Variants in MED27 observed in about 807,000 individuals in gnomAD.
MED27 encodes mediator of RNA polymerase II transcription subunit 27.
Under a neutral mutation model 38.2 loss-of-function variants are expected in MED27, and 30 were observed. The ratio of observed to expected loss-of-function variants is 0.79; its 90% CI spans 0.59 to 1.07. MED27 has a LOEUF of 1.07. Ranked by LOEUF, MED27 falls within the 50% of genes least tolerant of loss-of-function variation. The pLI, the probability that MED27 is intolerant of heterozygous loss-of-function variation, is 0.00. For missense variants in MED27, 289 were observed against 397.5 expected (o/e 0.73, Z 2.32); for synonymous variants, 122 against 153.5 (o/e 0.79, Z 1.52).
chr9:131,985,675 T>C (rs913554509), intron 3 of MED27, among the ~76,000 whole-genome samples: 1 of 152,090 alleles, frequency 6.6e-6, no homozygotes, highest in Non-Finnish European at 1.5e-5. Context: ...GTTTATGAAT[T>C]TACTGTACTA....
chr9:131,910,084 C>T (rs373472299), intron 4 of MED27, among the ~76,000 whole-genome samples: 3 of 152,134 alleles, frequency 2.0e-5, no homozygotes, highest in Non-Finnish European at 4.4e-5. Flanking sequence ...ATGATCACCA[C>T]GATATAAGGG....
At chr9:132,073,531 CT>C (rs1469210160) in intron 2 of MED27, 2 of 1,337,232 alleles carry the variant, frequency 1.5e-6, no homozygotes, top group East Asian at 3.0e-5. Context: ...AGGAAAGGCT[CT>C]GCGTTGCAAT....
intron 2 of MED27, among the ~76,000 whole-genome samples, chr9:132,052,610 C>T (rs1833487199): frequency 6.6e-6 from 1 of 152,096 alleles, no homozygotes; most frequent in Admixed American, 6.5e-5. Flanking sequence ...GCGTAACCAT[C>T]ACCTGAATAG....
intron 2 of MED27, among the ~76,000 whole-genome samples, chr9:132,048,242 A>G (rs545068682): frequency 1.4e-4 from 22 of 152,280 alleles, no homozygotes; most frequent in African/African-American, 5.1e-4. Context: ...GTCATGTTAT[A>G]GATTTTCCAA....
At chr9:132,068,862 A>G (rs1415817499) in intron 2 of MED27, among the ~76,000 whole-genome samples, 1 of 152,198 alleles carries the variant, frequency 6.6e-6, no homozygotes, top group Non-Finnish European at 1.5e-5. Context: ...GTGGCTGGCA[A>G]GTGAAGCCAC....
chr9:131,956,914 C>T (rs969089215), intron 3 of MED27, among the ~76,000 whole-genome samples: 10 of 151,422 alleles, frequency 6.6e-5, no homozygotes, highest in Admixed American at 5.3e-4. Context: ...GTAACAAGGA[C>T]ATGCCAATCT....
At chr9:132,029,482 A>G (rs2131100345) in intron 2 of MED27, among the ~76,000 whole-genome samples, 1 of 152,346 alleles carries the variant, frequency 6.6e-6, no homozygotes, top group South Asian at 2.1e-4. Context: ...ACCAACTGGC[A>G]TTTCAAAACT....
intron 3 of MED27, among the ~76,000 whole-genome samples, chr9:131,980,059 C>T (rs1175307171): frequency 6.6e-6 from 1 of 152,014 alleles, no homozygotes; most frequent in Non-Finnish European, 1.5e-5. Context: ...ATACCTCTAA[C>T]AAGAAAATTG....
rs1257107167 is a variant in MED27 at position 131,971,492 on chromosome 9, T to G, written c.480-32018A>C. On this transcript the variant is annotated intron_variant, in intron 3 of 7. Transcript: ENST00000292035. ...AATGTGATGAGAAGCCACTGAGGGGTTTAACAATTAGGGGCAAAATTAAAC... is the reference window on the plus strand; with the variant it reads ...AATGTGATGAGAAGCCACTGAGGGGGTTAACAATTAGGGGCAAAATTAAAC... Among the ~76,000 whole-genome samples, 4 of 151,330 alleles carry G rather than the reference T, an allele frequency of 2.6e-5. 1 individual carries two copies. Among genetic ancestry groups the G allele is most frequent in the Non-Finnish European group, 5.9e-5 (4 of 67,854 alleles).
intron 2 of MED27, among the ~76,000 whole-genome samples, chr9:132,057,767 C>G (rs1455257305): frequency 6.6e-6 from 1 of 152,176 alleles, no homozygotes; most frequent in African/African-American, 2.4e-5. Context: ...TTCTTTGAGA[C>G]TCACAAATTG....
rs1830218854 is a variant in MED27, at chr9:131,913,032, C to A, written c.574-19040G>T. Among the ~76,000 whole-genome samples the A allele has an allele frequency of 6.6e-6, 1 of 152,204 alleles. No homozygotes were observed. Among genetic ancestry groups the A allele is most frequent in the Non-Finnish European group, 1.5e-5 (1 of 68,044 alleles). On this transcript the variant is annotated intron_variant, in intron 4 of 7. Coordinates refer to ENST00000292035, the MANE Select transcript of MED27 (RefSeq NM_004269.4). The surrounding 1 kb of genome is among the most constrained non-coding windows in gnomAD (Gnocchi z 4.5). ...TCTACATATAAGTCCCAACTGCACA[C>A]TAAATTTATCAACAAAACAATCATT...
At position 132,037,743 on chromosome 9, in the gene MED27, A is replaced by G. The variant is rs1833111887; in HGVS notation, c.349-23276T>C. On this transcript the variant is annotated intron_variant, in intron 2 of 7. Transcript: ENST00000292035. ...CAAAGAGGCTCTGGAAACATCACCA[A>G]ATGAAAGTGGGCAAAACAGTCAGGC... is the stretch of plus-strand genomic sequence containing the variant. 2.0e-5 allele frequency among the ~76,000 whole-genome samples: 3 copies of G among 152,204 alleles called. No individual in the cohort carries two copies. In the South Asian group the frequency reaches 6.2e-4, roughly 31 times the overall value.
Position 131,982,303 on chromosome 9 carries a change from A to C in MED27, c.479+32034T>G, listed in dbSNP as rs900967295. The stretch of plus-strand genomic sequence containing the variant: ...GTCCAGCTCTTCTGCTCAAGAGATC[A>C]CGTGCAGAGGCCACACGGAGAGGGA... On this transcript the variant is annotated intron_variant, in intron 3 of 7. Coordinates refer to ENST00000292035, the MANE Select transcript of MED27 (RefSeq NM_004269.4). The surrounding 1 kb of genome is among the most constrained non-coding windows in gnomAD (Gnocchi z 4.3). 3.3e-5 allele frequency among the ~76,000 whole-genome samples: 5 copies of C among 152,154 alleles called. No homozygotes were observed. The highest frequency in any genetic ancestry group is 4.8e-5 in the African/African-American group (2 of 41,428).
intron 2 of MED27, among the ~76,000 whole-genome samples, chr9:132,053,253 CAAAAAAA>C (rs530638575): frequency 9.1e-5 from 8 of 87,578 alleles, no homozygotes; most frequent in East Asian, 3.3e-4. Flanking sequence ...ACTCCCGTCT[CAAAAAAA>C]AAAAAAAAAG....
chr9:132,072,945 T>C (rs1833973517), intron 2 of MED27, among the ~76,000 whole-genome samples: 1 of 152,028 alleles, frequency 6.6e-6, no homozygotes, highest in African/African-American at 2.4e-5. Flanking sequence ...CTGGTGGAAT[T>C]GACTCTCCTC....
At chr9:131,995,349 C>T (rs1297288928) in intron 3 of MED27, among the ~76,000 whole-genome samples, 3 of 151,920 alleles carry the variant, frequency 2.0e-5, no homozygotes, top group East Asian at 1.9e-4. Flanking sequence ...GTGACAGAAA[C>T]GGACCCAACA....
chr9:131,943,371 T>C (rs551348724), intron 3 of MED27, among the ~76,000 whole-genome samples: 1 of 152,126 alleles, frequency 6.6e-6, no homozygotes, highest in African/African-American at 2.4e-5. Context: ...CACTCTTTCT[T>C]GTTGAGGGAG....
At chr9:131,915,684 C>T (rs1830276322) in intron 4 of MED27, among the ~76,000 whole-genome samples, 1 of 152,252 alleles carries the variant, frequency 6.6e-6, no homozygotes, top group African/African-American at 2.4e-5. Flanking sequence ...CTCCCACTCC[C>T]ATGCCCACTG....
chr9:132,065,038 A>C (rs1398564095), intron 2 of MED27, among the ~76,000 whole-genome samples: 1 of 152,246 alleles, frequency 6.6e-6, no homozygotes, highest in African/African-American at 2.4e-5. Flanking sequence ...AGAGGTGCTC[A>C]ATAAATGCAT....
Sources: gnomAD v4.1 joint callset for allele counts (sites outside exome capture counted in the v4.1 genomes callset) on GRCh38, gnomAD v4.1.1 for gene constraint, Gnocchi (gnomAD v3.1) non-coding constraint, MANE v1.5 for transcripts, NCBI Gene and HGNC (gene_info 2026-07-23, HGNC 2026-07-21) for gene names.